CYP2C18: variants seen among roughly 807,000 people sequenced by gnomAD.
CYP2C18 encodes cytochrome P450 2C18.
CYP2C18 carries 38 observed loss-of-function variants against 41.3 expected under a neutral mutation model. The ratio of observed to expected loss-of-function variants is 0.92; its 90% CI spans 0.71 to 1.21. CYP2C18 has a LOEUF of 1.21. Among genes scored for constraint, CYP2C18 ranks in the 50% most tolerant of loss-of-function variants. The pLI is 0.00. For missense variants in CYP2C18, 635 were observed against 591.4 expected, an observed-to-expected ratio of 1.07 and a Z score of -0.77; for synonymous variants, 236 against 210.0, an observed-to-expected ratio of 1.12 and a Z score of -1.07.
At chr10:94,698,999 C>G (rs1004599474) in intron 4 of CYP2C18, among the ~76,000 whole-genome samples, 1 of 151,994 alleles carries the variant, frequency 6.6e-6, no homozygotes, top group Non-Finnish European at 1.5e-5. Flanking sequence ...AACTTACCAA[C>G]CAAAAAAAGT....
At chr10:94,706,993 G>T (rs753517060) in intron 5 of CYP2C18, 33 bp downstream of exon 5, 2 of 1,580,572 alleles carry the variant, frequency 1.3e-6, no homozygotes, top group Non-Finnish European at 1.7e-6. Context: ...GCATCTTGTG[G>T]TTCATTGATT....
At chr10:94,706,023 A>T (rs376569979) in intron 4 of CYP2C18, among the ~76,000 whole-genome samples, 1 of 152,136 alleles carries the variant, frequency 6.6e-6, no homozygotes, top group Admixed American at 6.5e-5. Flanking sequence ...TCTTCATCAC[A>T]TTATTTGGCA....
intron 4 of CYP2C18, among the ~76,000 whole-genome samples, chr10:94,704,480 CAT>C (rs1046603310): frequency 8.7e-5 from 13 of 148,812 alleles, no homozygotes; most frequent in African/African-American, 2.5e-4. Flanking sequence ...AAAAAAGAGA[CAT>C]AGAAAAAATA....
At chr10:94,697,790 A>G (rs1337147587) in intron 4 of CYP2C18, among the ~76,000 whole-genome samples, 1 of 152,238 alleles carries the variant, frequency 6.6e-6, no homozygotes, top group Non-Finnish European at 1.5e-5. Flanking sequence ...AGGAAGATCT[A>G]CCAAGCAAAT....
At chr10:94,697,318 C>A (rs938823918) in intron 4 of CYP2C18, among the ~76,000 whole-genome samples, 2 of 152,100 alleles carry the variant, frequency 1.3e-5, no homozygotes, top group Non-Finnish European at 2.9e-5. Flanking sequence ...AGAATGGGGG[C>A]CAATATTCAA....
chr10:94,716,478 G>T (rs1219308373), intron 5 of CYP2C18, among the ~76,000 whole-genome samples: 1 of 152,182 alleles, frequency 6.6e-6, no homozygotes, highest in Non-Finnish European at 1.5e-5. Context: ...CAGTTTGCAT[G>T]TAATTGAGTG....
intron 1 of CYP2C18, among the ~76,000 whole-genome samples, chr10:94,687,565 T>G (rs576733156): frequency 2.0e-5 from 3 of 152,350 alleles, no homozygotes; most frequent in African/African-American, 7.2e-5. Context: ...GCCTGCATAC[T>G]ACTTGCTTGG....
At chr10:94,715,288 C>T (rs1174482675) in intron 5 of CYP2C18, among the ~76,000 whole-genome samples, 1 of 152,170 alleles carries the variant, frequency 6.6e-6, no homozygotes, top group Non-Finnish European at 1.5e-5. Flanking sequence ...CCAGTTTGTG[C>T]CCATTCAGTA....
chr10:94,712,008 A>ATTTTTTTTTTTTTTT lies in CYP2C18; in HGVS notation c.819+5054_819+5068dup, dbSNP rs35672164. ...AGGTGCATGCCACCATGCCCAACTA[A>ATTTTTTTTTTTTTTT]TTTTTTTTTTTTTTTTTTTTGTAGA... On this transcript the variant is annotated intron_variant, in intron 5 of 8. Coordinates refer to ENST00000285979, the MANE Select transcript of CYP2C18 (RefSeq NM_000772.3). 5.5e-4 allele frequency among the ~76,000 whole-genome samples: 54 copies of ATTTTTTTTTTTTTTT among 97,868 alleles called. 3 individuals carry two copies. Among genetic ancestry groups the ATTTTTTTTTTTTTTT allele is most frequent in the African/African-American group, 1.4e-3 (32 of 23,356 alleles). The allele number at this position is 97,868 out of a possible 152,430, so 64.2% of individuals were successfully genotyped here.
chr10:94,684,866 GATA>G (rs757090435), intron 1 of CYP2C18, among the ~76,000 whole-genome samples: 10 of 151,552 alleles, frequency 6.6e-5, no homozygotes, highest in African/African-American at 2.4e-4. Flanking sequence ...TTATCTTTTT[GATA>G]ATAATAATAT....
rs1846917412 is a variant in CYP2C18, at chr10:94,687,804, A to G, written c.203A>G (p.Tyr68Cys). 1.9e-6 allele frequency: 3 copies of G among 1,613,516 alleles called. No homozygotes were observed. Among genetic ancestry groups the G allele is most frequent in the Admixed American group, 3.3e-5 (2 of 59,962 alleles). ...GTCTATGGCCCTGTGTTCACTGTGT[A>G]TTTTGGCCTGAAGCCCATTGTGGTG... ...SKVYGPVFTV[Y>C]FGLKPIVVLH... The change falls in exon 2 of 9, where the codon TAT becomes TGT. Residue 68 changes from tyrosine to cysteine, a missense_variant. By Grantham distance (194) the Tyr-to-Cys change is radical. Transcript: ENST00000285979.
chr10:94,707,799 G>A (rs2134191722), intron 5 of CYP2C18, among the ~76,000 whole-genome samples: 1 of 152,278 alleles, frequency 6.6e-6, no homozygotes, highest in East Asian at 1.9e-4. Flanking sequence ...TAGAGGATCA[G>A]ATAGGAGCCA....
chr10:94,735,238 A>C (rs773958763), intron 8 of CYP2C18, 25 bp from the exon 9 acceptor site: 6 of 1,611,358 alleles, frequency 3.7e-6, no homozygotes, highest in Non-Finnish European at 5.1e-6. Context: ...TCAAGGAACA[A>C]ATCCCCTATG....
chr10:94,728,284 A>G (rs1847775574), intron 7 of CYP2C18, among the ~76,000 whole-genome samples: 1 of 152,008 alleles, frequency 6.6e-6, no homozygotes, highest in South Asian at 2.1e-4. Context: ...TACATAGGTG[A>G]TGTTATATAC....
At chr10:94,725,628 AG>A (rs1357522935) in intron 7 of CYP2C18, among the ~76,000 whole-genome samples, 1 of 152,118 alleles carries the variant, frequency 6.6e-6, no homozygotes, top group East Asian at 1.9e-4. Flanking sequence ...ATCAGATTAG[AG>A]AAGGTTGCCT....
intron 4 of CYP2C18, among the ~76,000 whole-genome samples, chr10:94,702,924 C>T (rs899818173): frequency 6.6e-6 from 1 of 152,034 alleles, no homozygotes; most frequent in Non-Finnish European, 1.5e-5. Flanking sequence ...TTTGCATGGT[C>T]GTCCATTTTG....
intron 4 of CYP2C18, among the ~76,000 whole-genome samples, chr10:94,700,674 G>A (rs1393636151): frequency 6.6e-6 from 1 of 152,196 alleles, no homozygotes; most frequent in Non-Finnish European, 1.5e-5. Context: ...ACCACCATCA[G>A]AGTGAACAGG....
intron 4 of CYP2C18, among the ~76,000 whole-genome samples, chr10:94,696,200 C>G (rs1229541728): frequency 6.6e-6 from 1 of 152,192 alleles, no homozygotes; most frequent in Non-Finnish European, 1.5e-5. Flanking sequence ...GGGTCCCTGA[C>G]CCCCCAGTAG....
intron 4 of CYP2C18, among the ~76,000 whole-genome samples, chr10:94,699,192 A>G (rs1459539267): frequency 6.6e-6 from 1 of 152,196 alleles, no homozygotes; most frequent in Admixed American, 6.5e-5. Context: ...AGAACTTTAG[A>G]CCAATATCCC....
Sources: allele counts gnomAD v4.1 joint callset (sites outside exome capture counted in the v4.1 genomes callset), GRCh38; gene constraint gnomAD v4.1.1; transcripts MANE v1.5; gene names NCBI Gene and HGNC (gene_info 2026-07-23, HGNC 2026-07-21).